Variants in KSR1 observed in about 807,000 individuals in gnomAD.
KSR1 encodes kinase suppressor of ras.
A neutral mutation model predicts 92.9 loss-of-function variants in KSR1; 35 were observed. The observed-to-expected ratio is 0.38, with a 90% CI of 0.29 to 0.50. The LOEUF (loss-of-function observed/expected upper bound fraction) is 0.50, where lower values mean the gene tolerates loss of function less well. KSR1 is among the 20% of genes least tolerant of loss of function. The pLI is 0.94. For synonymous variants in KSR1, 467 were observed against 472.6 expected (o/e 0.99, Z 0.15); for missense variants, 972 against 1,158.5 (o/e 0.84, Z 2.34).
intron 1 of KSR1, chr17:27,465,489 T>C (rs1216339135): frequency 2.6e-5 from 4 of 152,114 alleles, no homozygotes; most frequent in Admixed American, 6.6e-5. Context: ...CAGACCAGCC[T>C]GGGCGACATA....
At chr17:27,529,425 C>G (rs2070448933) in intron 1 of KSR1, among the ~76,000 whole-genome samples, 1 of 152,192 alleles carries the variant, frequency 6.6e-6, no homozygotes, top group Non-Finnish European at 1.5e-5. Context: ...AGGATAAATT[C>G]CTAGAAGTGG....
chr17:27,615,763 C>T (rs1388167517), intron 18 of KSR1, among the ~76,000 whole-genome samples: 1 of 152,188 alleles, frequency 6.6e-6, no homozygotes, highest in Non-Finnish European at 1.5e-5. Context: ...TGCACTCCAG[C>T]AAATAAACTG....
At chr17:27,526,404 G>T in intron 1 of KSR1, 1 of 1,515,410 alleles carries the variant, frequency 6.6e-7, no homozygotes, top group Non-Finnish European at 8.9e-7. Context: ...AATTGGGAAA[G>T]GGCCGGTTAA....
intron 2 of KSR1, among the ~76,000 whole-genome samples, chr17:27,563,782 G>C (rs1334717045): frequency 1.3e-5 from 2 of 152,114 alleles, no homozygotes. Context: ...GGAAGTTGCT[G>C]TACCCTTGTG....
At chr17:27,547,014 TA>T (rs1025908711) in intron 1 of KSR1, among the ~76,000 whole-genome samples, 1 of 152,146 alleles carries the variant, frequency 6.6e-6, no homozygotes, top group African/African-American at 2.4e-5. Context: ...TCATCAGACA[TA>T]AAAACTGTAC....
At chr17:27,604,619 G>A (rs548231134) in intron 12 of KSR1, 61 bp from the exon 13 acceptor site, 33 of 1,534,452 alleles carry the variant, frequency 2.2e-5, no homozygotes, top group Middle Eastern at 3.4e-4. Context: ...GGGAGTCCCC[G>A]CTAGCTGAGA....
At chr17:27,518,995 C>G (rs1466080008) in intron 1 of KSR1, among the ~76,000 whole-genome samples, 4 of 152,190 alleles carry the variant, frequency 2.6e-5, no homozygotes, top group Non-Finnish European at 5.9e-5. Context: ...TCTAGGGTCA[C>G]ATTGCCTAGA....
intron 1 of KSR1, among the ~76,000 whole-genome samples, chr17:27,541,030 C>A (rs1462392696): frequency 6.6e-6 from 1 of 152,224 alleles, no homozygotes; most frequent in Non-Finnish European, 1.5e-5. Context: ...GGAGGAGGAG[C>A]AGCAGCTTCA....
At chr17:27,489,240 A>G (rs549007294) in intron 1 of KSR1, among the ~76,000 whole-genome samples, 35 of 152,342 alleles carry the variant, frequency 2.3e-4, no homozygotes, top group Non-Finnish European at 3.8e-4. Flanking sequence ...GCGTGCCCAC[A>G]TGCAGGGTGT....
At chr17:27,487,371 G>A (rs1011908391) in intron 1 of KSR1, among the ~76,000 whole-genome samples, 2 of 152,148 alleles carry the variant, frequency 1.3e-5, no homozygotes, top group African/African-American at 2.4e-5. Flanking sequence ...GGAGGTGGAG[G>A]TTGCCATGAG....
intron 1 of KSR1, among the ~76,000 whole-genome samples, chr17:27,479,030 G>T (rs1476671976): frequency 2.5e-5 from 3 of 122,276 alleles, no homozygotes; most frequent in Admixed American, 8.3e-5. Context: ...CCCTCCCTCC[G>T]TGCTCCTCCC....
At chr17:27,476,666 C>T (rs1205911965) in intron 1 of KSR1, among the ~76,000 whole-genome samples, 2 of 152,312 alleles carry the variant, frequency 1.3e-5, no homozygotes, top group South Asian at 2.1e-4. Flanking sequence ...CAGATGGTCC[C>T]ACTGCCCCCA....
At chr17:27,550,451 G>A (rs1439132188) in intron 1 of KSR1, 117 bp from the exon 2 acceptor site, 8 of 696,688 alleles carry the variant, frequency 1.1e-5, no homozygotes, top group Non-Finnish European at 1.9e-5. Context: ...AGGAGAGCCA[G>A]CCCCTTCCCT....
intron 1 of KSR1, among the ~76,000 whole-genome samples, chr17:27,471,639 C>G (rs899955332): frequency 6.6e-6 from 1 of 152,064 alleles, no homozygotes; most frequent in African/African-American, 2.4e-5. Context: ...AGTGCTGGGC[C>G]GCAGGAGAGA....
chr17:27,548,426 G>A (rs910255609), intron 1 of KSR1, among the ~76,000 whole-genome samples: 4 of 151,762 alleles, frequency 2.6e-5, no homozygotes, highest in Non-Finnish European at 5.9e-5. Flanking sequence ...TTTTTTCTTC[G>A]TAAAATATTG....
In KSR1 at chr17:27,496,376, C is replaced by G. The variant is rs551385804; in HGVS notation, c.231+39502C>G. 2.0e-5 allele frequency among the ~76,000 whole-genome samples: 3 copies of G among 152,258 alleles called. No individual in the cohort carries two copies. The East Asian group carries it at 5.8e-4, about 29-fold the overall frequency. ...TCCAATTTCCCCTAAAATTAGAAAC[C>G]CTGAAACTCATGAGTTGAATAGAAA... On this transcript the variant is annotated intron_variant, in intron 1 of 20. Transcript: ENST00000644974.
At chr17:27,612,495 A>C (rs1175081663) in intron 18 of KSR1, 1 of 152,250 alleles carries the variant, frequency 6.6e-6, no homozygotes. Flanking sequence ...TCAGACATAC[A>C]AGCCCAAGAA....
At chr17:27,587,938 G>A (rs576256454) in intron 5 of KSR1, among the ~76,000 whole-genome samples, 3 of 152,308 alleles carry the variant, frequency 2.0e-5, no homozygotes, top group Admixed American at 1.3e-4. Context: ...CCTTGTCCTC[G>A]TTCTATCTGC....
In KSR1 at chr17:27,611,500, T is replaced by G. The variant is rs1402160751; in HGVS notation, c.2364T>G (p.Val788=). ...CATGGCTGGGTCTCTGCAGGACTGT[T>G]TGGTATGAGCTGCAAGCAAGAGACT... ...KAADVYAFGT[V]WYELQARDWP... Residue 788 remains valine (V), a synonymous_variant, in exon 18 of 21, where the codon GTT becomes GTG. Coordinates refer to ENST00000644974, the MANE Select transcript of KSR1 (RefSeq NM_001394583.1). 1 of 1,613,764 alleles carries G rather than the reference T, an allele frequency of 6.2e-7. No individual in the cohort carries two copies. Among genetic ancestry groups the G allele is most frequent in the Non-Finnish European group, 8.5e-7 (1 of 1,179,744 alleles).
Sources: allele counts gnomAD v4.1 joint callset (sites outside exome capture counted in the v4.1 genomes callset), GRCh38; gene constraint gnomAD v4.1.1; transcripts MANE v1.5; gene names NCBI Gene and HGNC (gene_info 2026-07-23, HGNC 2026-07-21).